The following POLR2F variants were observed in gnomAD, a reference collection of about 807,000 sequenced individuals.
POLR2F encodes DNA-directed RNA polymerases I, II, and III subunit RPABC2.
POLR2F carries 12 observed loss-of-function variants against 22.7 expected under a neutral mutation model. The ratio of observed to expected loss-of-function variants is 0.53; its 90% CI spans 0.34 to 0.86. POLR2F has a LOEUF of 0.86. Ranked by LOEUF, POLR2F falls within the 40% of genes least tolerant of loss-of-function variation. The probability of loss-of-function intolerance (pLI) is 0.02; values close to 1 mark genes in which losing one functional copy is unlikely to be tolerated. For synonymous variants in POLR2F, 57 were observed against 66.0 expected (o/e 0.86, Z 0.66); for missense variants, 126 against 171.5 (o/e 0.73, Z 1.48).
At chr22:38,003,439 C>T (rs1351225526) in intron 1 of POLR2F, among the ~76,000 whole-genome samples, 2 of 152,180 alleles carry the variant, frequency 1.3e-5, no homozygotes, top group African/African-American at 4.8e-5. Context: ...GTTGGCCAGG[C>T]TGGTCTTGAA....
intron 1 of POLR2F, among the ~76,000 whole-genome samples, chr22:37,990,128 G>A (rs1289787133): frequency 6.6e-6 from 1 of 152,188 alleles, no homozygotes; most frequent in Non-Finnish European, 1.5e-5. Flanking sequence ...GTTGCTGTCA[G>A]AGTTCCAAGG....
intron 5 of POLR2F, among the ~76,000 whole-genome samples, chr22:38,038,502 G>A (rs897818015): frequency 1.3e-5 from 2 of 152,106 alleles, no homozygotes; most frequent in Admixed American, 1.3e-4. Flanking sequence ...CGGGTTGAGA[G>A]ATTGGTCGTC....
intron 1 of POLR2F, among the ~76,000 whole-genome samples, chr22:38,000,049 T>C (rs1241245347): frequency 2.0e-5 from 3 of 152,160 alleles, no homozygotes; most frequent in Non-Finnish European, 4.4e-5. Context: ...GGTGAGCTTA[T>C]TGGCCCCCAG....
intron 5 of POLR2F, chr22:38,034,185 C>T (rs1013891178): frequency 5.9e-6 from 1 of 169,274 alleles, no homozygotes; most frequent in Admixed American, 6.5e-5. Context: ...TGTCCCCCAG[C>T]TCCTTGGGCC....
intron 1 of POLR2F, among the ~76,000 whole-genome samples, chr22:38,010,323 T>A (rs1194307332): frequency 6.6e-6 from 1 of 151,456 alleles, no homozygotes; most frequent in Non-Finnish European, 1.5e-5. Flanking sequence ...TGCAGTGAGC[T>A]ATGATTGCAG....
chr22:38,032,543 T>C (rs1422966116), intron 5 of POLR2F: 1 of 152,252 alleles, frequency 6.6e-6, no homozygotes, highest in African/African-American at 2.4e-5. Context: ...GTCAGGCACA[T>C]AGTCCACTGA....
downstream of POLR2F, among the ~76,000 whole-genome samples, chr22:38,027,438 G>T (rs546970672): frequency 1.5e-4 from 23 of 152,240 alleles, no homozygotes; most frequent in African/African-American, 3.6e-4. Context: ...CAGTGGGGGT[G>T]GTCCTGAAGC....
downstream of POLR2F, chr22:37,974,017 A>G: frequency 1.2e-6 from 2 of 1,613,876 alleles, no homozygotes; most frequent in Non-Finnish European, 1.7e-6. This position sits in a 1 kb window ranked among gnomAD's most constrained non-coding sequence, Gnocchi z 5.4. Context: ...ACTCAGCCAC[A>G]TCAAAGGTCT....
intron 1 of POLR2F, among the ~76,000 whole-genome samples, chr22:38,006,944 C>CCCTAA (rs1283494799): frequency 1.3e-5 from 2 of 152,186 alleles, no homozygotes; most frequent in Non-Finnish European, 2.9e-5. Context: ...CCAGAGTGCA[C>CCCTAA]CCTGCATCTG....
chr22:37,981,387 T>C (rs974311176), upstream of POLR2F, among the ~76,000 whole-genome samples: 3 of 152,078 alleles, frequency 2.0e-5, no homozygotes, highest in South Asian at 4.1e-4. Flanking sequence ...CATCCTCCCA[T>C]TGGGATTGGG....
chr22:37,983,701 C>T, upstream of POLR2F: 2 of 1,516,102 alleles, frequency 1.3e-6, no homozygotes, highest in South Asian at 1.2e-5. The surrounding 1 kb of genome is among the most constrained non-coding windows in gnomAD (Gnocchi z 9.5). Flanking sequence ...CTAGCGAGGG[C>T]GCGCTCCCCG....
Position 37,969,305 on chromosome 22 carries a change from G to C in POLR2F, c.*1590G>C. On this transcript the variant is annotated 3_prime_UTR_variant, in exon 5 of 5. Coordinates refer to ENST00000442738, the MANE Select transcript of POLR2F (RefSeq NM_021974.5). ...TGACTTCTCTTGAATAAAATGTCCC[G>C]GTCACCACTATTGGTTCTGTTTTCT... 1.0e-6 allele frequency: 1 copy of C among 985,290 alleles called. No individual in the cohort carries two copies. The highest frequency in any genetic ancestry group is 1.1e-4 in the East Asian group (1 of 8,812). The allele number at this position is 985,290 out of a possible 1,614,324, so 61.0% of individuals were successfully genotyped here. A position where few individuals can be genotyped will look rare whatever the true frequency, so the allele number is the denominator to read the frequency against.
intron 1 of POLR2F, among the ~76,000 whole-genome samples, chr22:37,990,190 A>G (rs1347628555): frequency 6.6e-6 from 1 of 152,130 alleles, no homozygotes; most frequent in African/African-American, 2.4e-5. Flanking sequence ...CTGGAGGCAG[A>G]GGGTCTGAGC....
intron 4 of POLR2F, chr22:37,977,907 C>T (rs745822475): frequency 6.2e-7 from 1 of 1,612,978 alleles, no homozygotes; most frequent in South Asian, 1.1e-5. Context: ...TGGGGGAGCC[C>T]TCTCCTGGGT....
chr22:37,976,209 CA>C (rs1438950450), intron 4 of POLR2F, among the ~76,000 whole-genome samples: 2 of 152,136 alleles, frequency 1.3e-5, no homozygotes, highest in African/African-American at 4.8e-5. Flanking sequence ...GGCAACAGAG[CA>C]AGACTCCATC....
chr22:37,978,284 G>C lies in POLR2F; in HGVS notation c.293+11114G>C. 1 of 815,342 alleles carries C rather than the reference G, an allele frequency of 1.2e-6. No homozygotes were observed. The highest frequency in any genetic ancestry group is 1.9e-5 in the South Asian group (1 of 51,348). 50.5% of individuals were successfully genotyped at this position (815,342 alleles called of 1,614,324 possible). A position where few individuals can be genotyped will look rare whatever the true frequency, so the allele number is the denominator to read the frequency against. ...GAGGACAGGACCCGGGGTGGGGGCTGTGCCCTATGATTTGTGGACTGAGAG... is the reference window on the plus strand; with the variant it reads ...GAGGACAGGACCCGGGGTGGGGGCTCTGCCCTATGATTTGTGGACTGAGAG... On this transcript the variant is annotated intron_variant, in intron 4 of 4. Transcript: ENST00000405557. This position sits in a 1 kb window ranked among gnomAD's most constrained non-coding sequence, Gnocchi z 5.0.
In POLR2F at chr22:37,974,347, G is replaced by GT. The variant is rs916489152; in HGVS notation, c.293+7186dup. 5,931 of 582,076 alleles carry GT rather than the reference G, an allele frequency of 0.01. 186 individuals carry two copies. The highest frequency in any genetic ancestry group is 0.084 in the African/African-American group (4,173 of 49,750). The allele number at this position is 582,076 out of a possible 1,614,324, so 36.1% of individuals were successfully genotyped here. A position where few individuals can be genotyped will look rare whatever the true frequency, so the allele number is the denominator to read the frequency against. ...TTCACATTTTGGCAGCATGAGTCGG[G>GT]TTTTTTTTTGTTTTTTTTTTTTGAG... On this transcript the variant is annotated intron_variant, in intron 4 of 4. Coordinates refer to the POLR2F transcript ENST00000405557. The surrounding 1 kb of genome is among the most constrained non-coding windows in gnomAD (Gnocchi z 5.4).
chr22:37,970,836 G>T (rs1474796948), downstream of POLR2F: 1 of 205,214 alleles, frequency 4.9e-6, no homozygotes, highest in Non-Finnish European at 1.0e-5. Context: ...TTAAAGATCA[G>T]TGTAAAGTCC....
intron 1 of POLR2F, among the ~76,000 whole-genome samples, chr22:38,021,799 A>G (rs1300011068): frequency 1.3e-5 from 2 of 151,864 alleles, no homozygotes; most frequent in Non-Finnish European, 2.9e-5. Context: ...AATGTGGGGC[A>G]CAGAGTCCCA....
Sources: gnomAD v4.1 joint callset for allele counts (sites outside exome capture counted in the v4.1 genomes callset) on GRCh38, gnomAD v4.1.1 for gene constraint, Gnocchi (gnomAD v3.1) non-coding constraint, MANE v1.5 for transcripts, NCBI Gene and HGNC (gene_info 2026-07-23, HGNC 2026-07-21) for gene names.